Variants in ADGRB1 observed in about 807,000 individuals in gnomAD.
ADGRB1 encodes the protein brain-specific angiogenesis inhibitor 1.
ADGRB1 carries 36 observed loss-of-function variants against 175.7 expected under a neutral mutation model. The observed-to-expected ratio is 0.20, with a 90% confidence interval of 0.16 to 0.27. ADGRB1 has a LOEUF of 0.27. ADGRB1 is among the 10% of genes least tolerant of loss of function. ADGRB1 has a pLI of 1.00. For missense variants in ADGRB1, 1,731 were observed against 2,255.3 expected, an observed-to-expected ratio of 0.77 and a Z score of 4.71; for synonymous variants, 1,054 against 979.4, an observed-to-expected ratio of 1.08 and a Z score of -1.42.
Position 142,489,122 on chromosome 8 carries a change from T to A in ADGRB1, c.2528+12T>A. ...CTGGCCCTGCAGAGGTGGGGAGCCC[T>A]GGGCAGGTGGGGTGGGCAGTGCAGG... On this transcript the variant is annotated intron_variant, in intron 15 of 30. Coordinates refer to ENST00000517894, the MANE Select transcript of ADGRB1 (RefSeq NM_001702.3). 6.3e-7 allele frequency: 1 copy of A among 1,593,030 alleles called. No homozygotes were observed. The highest frequency in any genetic ancestry group is 8.5e-7 in the Non-Finnish European group (1 of 1,172,556).
chr8:142,478,810 G>A (rs562519502), intron 7 of ADGRB1, among the ~76,000 whole-genome samples: 25 of 149,706 alleles, frequency 1.7e-4, no homozygotes, highest in Admixed American at 1.6e-3. Context: ...GTAGTGGGGT[G>A]CACAGTGGGA....
chr8:142,471,000 G>A (rs936561637), intron 2 of ADGRB1, among the ~76,000 whole-genome samples: 4 of 152,324 alleles, frequency 2.6e-5, no homozygotes, highest in Admixed American at 2.6e-4. Flanking sequence ...TTGGAGAGGA[G>A]TCAGGATTGG....
chr8:142,514,633 G>C (rs372790009), intron 18 of ADGRB1, among the ~76,000 whole-genome samples: 6 of 152,142 alleles, frequency 3.9e-5, no homozygotes, highest in African/African-American at 1.4e-4. Flanking sequence ...AACCAGGTTT[G>C]GGGCTCAGTG....
Position 142,476,644 on chromosome 8 carries a change from G to C in ADGRB1, c.1006G>C (p.Glu336Gln), listed in dbSNP as rs1179928415. The change falls in exon 4 of 31, where the codon GAG becomes CAG. Residue 336 changes from glutamate to glutamine, a missense_variant. Physicochemically the swap from Glu to Gln is conservative, Grantham distance 29. Coordinates refer to ENST00000517894, the MANE Select transcript of ADGRB1 (RefSeq NM_001702.3). ...SLRSTDARRR[E>Q]ELGDELQQFG... is the part of the protein sequence containing the mutation. ...GCGGTCCACAGATGCCCGGCGGCGCGAGGAGCTGGGGGACGAGCTGCAGCA... is the reference window on the plus strand; with the variant it reads ...GCGGTCCACAGATGCCCGGCGGCGCCAGGAGCTGGGGGACGAGCTGCAGCA... 6.5e-7 allele frequency: 1 copy of C among 1,548,470 alleles called. No individual in the cohort carries two copies. Among genetic ancestry groups the C allele is most frequent in the African/African-American group, 1.4e-5 (1 of 73,012 alleles).
chr8:142,517,043 G>T (rs1843488247), intron 18 of ADGRB1, among the ~76,000 whole-genome samples: 1 of 152,174 alleles, frequency 6.6e-6, no homozygotes, highest in African/African-American at 2.4e-5. Context: ...GATGAGCTGA[G>T]TGCAGTGGCC....
At chr8:142,524,733 C>T (rs549845505) in intron 23 of ADGRB1, among the ~76,000 whole-genome samples, 14 of 152,252 alleles carry the variant, frequency 9.2e-5, no homozygotes, top group Admixed American at 1.3e-4. Flanking sequence ...CTTGCCCCTT[C>T]GGGGGCCCCG....
intron 2 of ADGRB1, among the ~76,000 whole-genome samples, chr8:142,471,395 A>G (rs1304235530): frequency 6.6e-6 from 1 of 152,268 alleles, no homozygotes; most frequent in Non-Finnish European, 1.5e-5. Context: ...AGCTGGCAGC[A>G]GACAACCGGG....
Position 142,464,696 on chromosome 8 carries a change from C to A in ADGRB1, c.498C>A (p.Thr166=), listed in dbSNP as rs1412979204. 1.3e-6 allele frequency: 2 copies of A among 1,529,180 alleles called. No individual in the cohort carries two copies. Among genetic ancestry groups the A allele is most frequent in the East Asian group, 2.5e-5 (1 of 40,262 alleles). The allele number at this position is 1,529,180 out of a possible 1,614,324, so 94.7% of individuals were successfully genotyped here. A position where few individuals can be genotyped will look rare whatever the true frequency, so the allele number is the denominator to read the frequency against. ...LRPRAGPPGP[T]DDFSVEYLVV... ...CCCGGGCCGGGCCGCCGGGCCCCAC[C>A]GACGACTTCTCCGTGGAGTACCTGG... is the stretch of plus-strand genomic sequence containing the variant. The change falls in exon 2 of 31, where the codon ACC becomes ACA. Residue 166 remains threonine, a synonymous_variant. Transcript: ENST00000517894.
At chr8:142,512,923 C>T (rs1177881586) in intron 18 of ADGRB1, among the ~76,000 whole-genome samples, 1 of 152,090 alleles carries the variant, frequency 6.6e-6, no homozygotes, top group Non-Finnish European at 1.5e-5. Context: ...CACTATGTGC[C>T]CCAGTGCACG....
In ADGRB1 at chr8:142,455,232, C is replaced by T. The variant is rs978080333; in HGVS notation, c.-220+5128C>T. On this transcript the variant is annotated intron_variant, in intron 1 of 30. Transcript: ENST00000517894. This position sits in a 1 kb window ranked among gnomAD's most constrained non-coding sequence, Gnocchi z 4.9. ...CCCCAACACCAAAGCCAACAAACACCTTCCCCCCATCACTCCCACTCGCCT... is the reference window on the plus strand; with the variant it reads ...CCCCAACACCAAAGCCAACAAACACTTTCCCCCCATCACTCCCACTCGCCT... 6.6e-6 allele frequency among the ~76,000 whole-genome samples: 1 copy of T among 151,916 alleles called. No homozygotes were observed. The highest frequency in any genetic ancestry group is 2.4e-5 in the African/African-American group (1 of 41,342).
Position 142,484,685 on chromosome 8 carries a change from G to T in ADGRB1, c.2229G>T (p.Arg743=). The change falls in exon 13 of 31, where the codon CGG becomes CGT. Residue 743 remains arginine, a synonymous_variant. Transcript: ENST00000517894. ...LAGPNAKELF[R]LVEDFVDVIG... is the part of the protein sequence containing the mutation. ...GCCCCAACGCCAAGGAGCTGTTCCG[G>T]CTGGTGGAGGACTTTGTGGACGTCA... 1 of 1,611,726 alleles carries T rather than the reference G, an allele frequency of 6.2e-7. No homozygotes were observed.
intron 13 of ADGRB1, among the ~76,000 whole-genome samples, chr8:142,487,049 A>G (rs548366042): frequency 1.3e-5 from 2 of 152,336 alleles, no homozygotes; most frequent in South Asian, 2.1e-4. Flanking sequence ...TGATTTTTCC[A>G]TAGTGAAATG....
chr8:142,496,729 T>C (rs1020184747), intron 17 of ADGRB1, among the ~76,000 whole-genome samples: 2 of 152,144 alleles, frequency 1.3e-5, no homozygotes, highest in Non-Finnish European at 2.9e-5. Flanking sequence ...AGAGCGGGGA[T>C]GTTAGTACAA....
intron 2 of ADGRB1, among the ~76,000 whole-genome samples, chr8:142,468,935 C>T (rs1307275748): frequency 6.6e-6 from 1 of 152,252 alleles, no homozygotes; most frequent in Non-Finnish European, 1.5e-5. Context: ...CTGACGTGCC[C>T]CCCAACGTGT....
rs1298145923 is a variant in ADGRB1, at chr8:142,464,336, G to A, written c.138G>A (p.Leu46=). ...CCGGGCCCGAGCCGTGCGCCACGCT[G>A]GTGCAGGGAAAGTTCTTCGGCTACT... ...AGPGPEPCAT[L]VQGKFFGYFS... Residue 46 remains leucine (L), a synonymous_variant, in exon 2 of 31, where the codon CTG becomes CTA. Transcript: ENST00000517894. 1 of 1,505,080 alleles carries A rather than the reference G, an allele frequency of 6.6e-7. No homozygotes were observed. The highest frequency in any genetic ancestry group is 8.8e-7 in the Non-Finnish European group (1 of 1,132,814). The allele number at this position is 1,505,080 out of a possible 1,614,324, so 93.2% of individuals were successfully genotyped here.
intron 1 of ADGRB1, among the ~76,000 whole-genome samples, chr8:142,462,117 A>G (rs943700956): frequency 5.3e-5 from 8 of 152,236 alleles, no homozygotes; most frequent in Admixed American, 1.3e-4. Context: ...GGCAGGGGAC[A>G]TGGCAGCATC....
chr8:142,485,395 C>G (rs1841617553), intron 13 of ADGRB1, among the ~76,000 whole-genome samples: 1 of 152,246 alleles, frequency 6.6e-6, no homozygotes, highest in Non-Finnish European at 1.5e-5. Flanking sequence ...GAGAGTCTCT[C>G]AAAGCAGAGG....
intron 26 of ADGRB1, among the ~76,000 whole-genome samples, chr8:142,538,875 A>G (rs1845096671): frequency 6.6e-6 from 1 of 152,188 alleles, no homozygotes; most frequent in African/African-American, 2.4e-5. Context: ...CCGCAGGCCC[A>G]GAGCCATTCC....
At chr8:142,478,021 C>T (rs959890847) in intron 6 of ADGRB1, among the ~76,000 whole-genome samples, 166 bp from the exon 7 acceptor site, 1 of 149,780 alleles carries the variant, frequency 6.7e-6, no homozygotes, top group African/African-American at 2.5e-5. Context: ...TGGGTGTTCT[C>T]ACCCATGTCA....
Sources: allele counts gnomAD v4.1 joint callset (sites outside exome capture counted in the v4.1 genomes callset), GRCh38; gene constraint gnomAD v4.1.1; non-coding constraint Gnocchi (gnomAD v3.1); transcripts MANE v1.5; gene names NCBI Gene and HGNC (gene_info 2026-07-23, HGNC 2026-07-21).